The following TNRC6A variants were observed in gnomAD, a reference collection of about 807,000 sequenced individuals.
TNRC6A encodes the protein trinucleotide repeat-containing gene 6A protein.
TNRC6A carries 44 observed loss-of-function variants against 221.2 expected under a neutral mutation model. The observed-to-expected ratio is 0.20, with a 90% CI of 0.16 to 0.26. TNRC6A has a LOEUF of 0.26. Ranked by LOEUF, TNRC6A falls within the 10% of genes least tolerant of loss-of-function variation. The pLI, the probability that TNRC6A is intolerant of heterozygous loss-of-function variation, is 1.00. For synonymous variants in TNRC6A, 847 were observed against 838.5 expected (o/e 1.01, Z -0.18); for missense variants, 2,199 against 2,404.4 (o/e 0.91, Z 1.79).
intron 2 of TNRC6A, among the ~76,000 whole-genome samples, chr16:24,667,107 C>T (rs529578872): frequency 2.0e-5 from 3 of 152,238 alleles, no homozygotes; most frequent in Non-Finnish European, 4.4e-5. Flanking sequence ...CAGAGCAAGA[C>T]TCCATCTCAA....
chr16:24,642,715 G>A (rs1360473633), intron 2 of TNRC6A, among the ~76,000 whole-genome samples: 2 of 152,008 alleles, frequency 1.3e-5, no homozygotes, highest in Non-Finnish European at 2.9e-5. Context: ...AGCTACCTGG[G>A]AGGCTGAGGC....
At chr16:24,799,682 G>T (rs1596759978) in intron 11 of TNRC6A, among the ~76,000 whole-genome samples, 2 of 152,298 alleles carry the variant, frequency 1.3e-5, no homozygotes, top group Non-Finnish European at 2.9e-5. Context: ...TACTACCATT[G>T]TTATTTCTGT....
At chr16:24,731,901 A>G (rs995093917) in intron 2 of TNRC6A, among the ~76,000 whole-genome samples, 5 of 152,234 alleles carry the variant, frequency 3.3e-5, no homozygotes, top group African/African-American at 1.2e-4. Context: ...TGGGCCAGCC[A>G]GTTGCTGAGG....
chr16:24,723,202 G>C (rs1311146310), intron 2 of TNRC6A, among the ~76,000 whole-genome samples: 1 of 152,140 alleles, frequency 6.6e-6, no homozygotes, highest in Non-Finnish European at 1.5e-5. Context: ...ATCCTCCACA[G>C]CAATGGTTCT....
chr16:24,824,996 G>A lies in TNRC6A; in HGVS notation c.*1189G>A, dbSNP rs1428941427. On this transcript the variant is annotated 3_prime_UTR_variant, in exon 25 of 25. Transcript: ENST00000395799. ...AATAATCAATAGGTAATAATTTTTTGTAATCCCATCAAGTGGCTCCATATG... is the reference window on the plus strand; with the variant it reads ...AATAATCAATAGGTAATAATTTTTTATAATCCCATCAAGTGGCTCCATATG... The A allele has an allele frequency of 6.6e-6, 1 of 152,556 alleles. No individual in the cohort carries two copies. The highest frequency in any genetic ancestry group is 1.5e-5 in the Non-Finnish European group (1 of 68,030). 9.5% of individuals were successfully genotyped at this position (152,556 alleles called of 1,614,324 possible). A position where few individuals can be genotyped will look rare whatever the true frequency, so the allele number is the denominator to read the frequency against.
intron 2 of TNRC6A, among the ~76,000 whole-genome samples, chr16:24,702,469 T>C (rs2056005468): frequency 1.3e-5 from 2 of 152,128 alleles, no homozygotes; most frequent in African/African-American, 2.4e-5. Context: ...TGAGCCACCA[T>C]GCCTGGCTCT....
chr16:24,731,929 G>C (rs1441014859), intron 2 of TNRC6A, among the ~76,000 whole-genome samples: 1 of 152,234 alleles, frequency 6.6e-6, no homozygotes. Flanking sequence ...GGCCCTTTGG[G>C]TTACATAAAA....
rs373582477 is a variant in TNRC6A, at chr16:24,665,858, G to A, written n.402+24849G>A. ...AGGGACAAATCTTTCCCTGCAACTC[G>A]TCTGTCTATGCTCTGCTAGCATATC... On this transcript the variant is annotated intron_variant and non_coding_transcript_variant, in intron 2 of 2. Coordinates refer to the TNRC6A transcript ENST00000566108. Among the ~76,000 whole-genome samples the A allele has an allele frequency of 1.5e-4, 23 of 152,272 alleles. No homozygotes were observed. The East Asian group carries it at 3.1e-3, about 20-fold the overall frequency.
In TNRC6A at chr16:24,804,244, G is replaced by C. The variant is rs200279452; in HGVS notation, c.3762G>C (p.Thr1254=). Residue 1254 remains threonine (T), a synonymous_variant, in exon 12 of 25, where the codon ACG becomes ACC. Coordinates refer to ENST00000395799, the MANE Select transcript of TNRC6A (RefSeq NM_014494.4). ...HSLNIGDYNR[T]VGKGPGSRPQ... Reference sequence around the variant, plus strand: ...TAAATATTGGTGATTACAATCGAACGGTCGGGAAAGGCCCTGGTTCTCGGC... The same window carrying C: ...TAAATATTGGTGATTACAATCGAACCGTCGGGAAAGGCCCTGGTTCTCGGC... 1 of 1,613,704 alleles carries C rather than the reference G, an allele frequency of 6.2e-7. No homozygotes were observed. The highest frequency in any genetic ancestry group is 1.1e-5 in the South Asian group (1 of 90,988).
In TNRC6A at chr16:24,670,485, A is replaced by G. The variant is rs137907135; in HGVS notation, n.402+29476A>G. Among the ~76,000 whole-genome samples the G allele has an allele frequency of 8.5e-5, 13 of 152,242 alleles. No individual in the cohort carries two copies. In the East Asian group the frequency reaches 2.3e-3, roughly 27 times the overall value. On this transcript the variant is annotated intron_variant and non_coding_transcript_variant, in intron 2 of 2. Coordinates refer to the TNRC6A transcript ENST00000566108. ...GGGCTGCTGTTTCAGCAATTCATGT[A>G]TAATTTAAGGGAATTTGGAAGCAGT...
chr16:24,677,315 A>G (rs2055440071), intron 2 of TNRC6A, among the ~76,000 whole-genome samples: 1 of 151,836 alleles, frequency 6.6e-6, no homozygotes, highest in Admixed American at 6.6e-5. Flanking sequence ...GGCACCCACC[A>G]CCACACCCAG....
intron 2 of TNRC6A, among the ~76,000 whole-genome samples, chr16:24,713,523 C>T (rs2056251849): frequency 6.6e-6 from 1 of 152,162 alleles, no homozygotes; most frequent in African/African-American, 2.4e-5. Context: ...TGTTTACTCA[C>T]TTGCAGTGTT....
chr16:24,801,421 C>T (rs2058328294), intron 11 of TNRC6A, among the ~76,000 whole-genome samples: 2 of 151,958 alleles, frequency 1.3e-5, no homozygotes, highest in African/African-American at 4.8e-5. Context: ...AACTAATGGA[C>T]CTTACTGGAG....
chr16:24,748,500 A>G (rs150964368), intron 2 of TNRC6A, among the ~76,000 whole-genome samples: 172 of 152,268 alleles, frequency 1.1e-3, no homozygotes, highest in Middle Eastern at 3.4e-3. Flanking sequence ...CATTAGCCAC[A>G]TGACACTTCT....
chr16:24,806,402 A>G (rs1249901519), intron 16 of TNRC6A, 119 bp downstream of exon 16: 3 of 1,401,772 alleles, frequency 2.1e-6, no homozygotes, highest in African/African-American at 2.8e-5. Context: ...GATGTAATGC[A>G]GTATGTTTTT....
rs947354450 is a variant in TNRC6A, at chr16:24,664,360, C to T, written n.402+23351C>T. Among the ~76,000 whole-genome samples, 6 of 145,774 alleles carry T rather than the reference C, an allele frequency of 4.1e-5. No individual in the cohort carries two copies. The East Asian group carries it at 1.0e-3, about 24-fold the overall frequency. ...AAAATTCCAAATAATAAATAAATAA[C>T]AATATTTATTATGTATTATTAATTT... On this transcript the variant is annotated intron_variant and non_coding_transcript_variant, in intron 2 of 2. Coordinates refer to the TNRC6A transcript ENST00000566108.
At chr16:24,737,293 A>T (rs767120789) in intron 2 of TNRC6A, among the ~76,000 whole-genome samples, 3 of 152,232 alleles carry the variant, frequency 2.0e-5, no homozygotes, top group Non-Finnish European at 4.4e-5. Context: ...GAATAGTATC[A>T]ATAAGAGGAA....
At chr16:24,673,102 G>C (rs913365672) in intron 2 of TNRC6A, among the ~76,000 whole-genome samples, 3 of 152,058 alleles carry the variant, frequency 2.0e-5, no homozygotes, top group South Asian at 2.1e-4. Flanking sequence ...CTACTCAGGA[G>C]GCAGATGTGG....
intron 2 of TNRC6A, among the ~76,000 whole-genome samples, chr16:24,704,999 A>T (rs892597182): frequency 1.1e-4 from 16 of 151,958 alleles, no homozygotes; most frequent in Non-Finnish European, 1.8e-4. Context: ...ATGAACTTAA[A>T]TTTTTTTTAA....
Sources: gnomAD v4.1 joint callset for allele counts (sites outside exome capture counted in the v4.1 genomes callset) on GRCh38, gnomAD v4.1.1 for gene constraint, MANE v1.5 for transcripts, NCBI Gene and HGNC (gene_info 2026-07-23, HGNC 2026-07-21) for gene names.